The following ISL1 variants were observed in gnomAD, a reference collection of about 807,000 sequenced individuals.
ISL1 encodes the protein insulin gene enhancer protein ISL-1.
In ISL1, 4 loss-of-function variants were observed where a neutral mutation model predicts 35.3. The ratio of observed to expected loss-of-function variants is 0.11; its 90% CI spans 0.06 to 0.26. The LOEUF (loss-of-function observed/expected upper bound fraction) is 0.26, where lower values mean the gene tolerates loss of function less well. Ranked by LOEUF, ISL1 falls within the 10% of genes least tolerant of loss-of-function variation. The probability of loss-of-function intolerance (pLI) is 1.00; values close to 1 mark genes in which losing one functional copy is unlikely to be tolerated. For missense variants in ISL1, 340 were observed against 472.8 expected, an observed-to-expected ratio of 0.72 and a Z score of 2.60; for synonymous variants, 186 against 172.3, an observed-to-expected ratio of 1.08 and a Z score of -0.62.
rs1358580661 is a variant in ISL1 at position 51,389,979 on chromosome 5, G to T, written c.765+47G>T. The T allele has an allele frequency of 5.6e-6, 9 of 1,597,422 alleles. No individual in the cohort carries two copies. In the East Asian group the frequency reaches 9.0e-5, roughly 16 times the overall value. Reference sequence around the variant, plus strand: ...CAGGGAATGCGAGGGGGAAGGAGACGCAGCGTGCGAGGTGCGTTCCTGGTA... The same window carrying T: ...CAGGGAATGCGAGGGGGAAGGAGACTCAGCGTGCGAGGTGCGTTCCTGGTA... On this transcript the variant is annotated intron_variant, in intron 4 of 5. Transcript: ENST00000230658. The surrounding 1 kb of genome is among the most constrained non-coding windows in gnomAD (Gnocchi z 5.0).
chr5:51,387,885 T>C lies in ISL1; in HGVS notation c.478+136T>C, dbSNP rs1201806091. On this transcript the variant is annotated intron_variant, in intron 3 of 5. Coordinates refer to ENST00000230658, the MANE Select transcript of ISL1 (RefSeq NM_002202.3). The surrounding 1 kb of genome is among the most constrained non-coding windows in gnomAD (Gnocchi z 4.3). ...TTAAATGAAGTGTTCTGTATGCAAT[T>C]TGCGCTGTGCTCTGCTCCTTTGCAG... 2.5e-6 allele frequency: 3 copies of C among 1,187,762 alleles called. No individual in the cohort carries two copies. The highest frequency in any genetic ancestry group is 3.6e-6 in the Non-Finnish European group (3 of 837,304). 73.6% of individuals were successfully genotyped at this position (1,187,762 alleles called of 1,614,324 possible). A position where few individuals can be genotyped will look rare whatever the true frequency, so the allele number is the denominator to read the frequency against.
chr5:51,389,537 G>A lies in ISL1; in HGVS notation c.479-109G>A, dbSNP rs1747431306. On this transcript the variant is annotated intron_variant, in intron 3 of 5. Transcript: ENST00000230658. The surrounding 1 kb of genome is among the most constrained non-coding windows in gnomAD (Gnocchi z 5.0). ...CTGAGTATCTCGGGCGGGCGAGCAA[G>A]TAAGCGGGCGGGCGGGCGGGCAAGC... The A allele has an allele frequency of 4.8e-6, 5 of 1,034,464 alleles. No homozygotes were observed. Among genetic ancestry groups the A allele is most frequent in the Admixed American group, 8.5e-5 (2 of 23,598 alleles). 64.1% of individuals were successfully genotyped at this position (1,034,464 alleles called of 1,614,324 possible). A position where few individuals can be genotyped will look rare whatever the true frequency, so the allele number is the denominator to read the frequency against.
intron 4 of ISL1, 120 bp downstream of exon 4, chr5:51,390,052 C>A (rs1747452870): frequency 8.2e-6 from 10 of 1,212,760 alleles, no homozygotes; most frequent in Non-Finnish European, 1.2e-5. Flanking sequence ...GGAGTTTGGC[C>A]GGGGCTGCCC....
At chr5:51,388,396 A>G (rs1239317599) in intron 3 of ISL1, among the ~76,000 whole-genome samples, 2 of 152,218 alleles carry the variant, frequency 1.3e-5, no homozygotes, top group East Asian at 3.8e-4. Flanking sequence ...GCTTCTTTAA[A>G]TCATTCATTC....
rs369937196 is a variant in ISL1 at position 51,387,463 on chromosome 5, G to A, written c.219-27G>A. ...TGTACTTCTCTCCCCGCTCTGGGCC[G>A]CCTCCGCTCCCCCCTCCCCCGCACA... On this transcript the variant is annotated intron_variant, in intron 2 of 5. Transcript: ENST00000230658. The surrounding 1 kb of genome is among the most constrained non-coding windows in gnomAD (Gnocchi z 4.3). The A allele has an allele frequency of 3.1e-5, 50 of 1,612,814 alleles. No individual in the cohort carries two copies. Among genetic ancestry groups the A allele is most frequent in the Non-Finnish European group, 3.7e-5 (44 of 1,179,518 alleles).
In ISL1 at chr5:51,393,670, A is replaced by G. The variant is rs567679026; in HGVS notation, c.*60A>G. The G allele has an allele frequency of 8.6e-6, 9 of 1,045,986 alleles. No individual in the cohort carries two copies. In the South Asian group the frequency reaches 1.1e-4, roughly 13 times the overall value. 64.8% of individuals were successfully genotyped at this position (1,045,986 alleles called of 1,614,324 possible). On this transcript the variant is annotated 3_prime_UTR_variant, in exon 6 of 6. Coordinates refer to ENST00000230658, the MANE Select transcript of ISL1 (RefSeq NM_002202.3). ...AGAAAGTGGGAAATTATAATGTCGA[A>G]CTCTGAAACAAAAGTATTTAACGAC...
At position 51,387,129 on chromosome 5, in the gene ISL1, G is replaced by A. The variant is rs1484786722; in HGVS notation, c.219-361G>A. Among the ~76,000 whole-genome samples, 2 of 152,144 alleles carry A rather than the reference G, an allele frequency of 1.3e-5. No individual in the cohort carries two copies. Among genetic ancestry groups the A allele is most frequent in the Non-Finnish European group, 1.5e-5 (1 of 68,034 alleles). On this transcript the variant is annotated intron_variant, in intron 2 of 5. Coordinates refer to ENST00000230658, the MANE Select transcript of ISL1 (RefSeq NM_002202.3). The surrounding 1 kb of genome is among the most constrained non-coding windows in gnomAD (Gnocchi z 4.3). Reference sequence around the variant, plus strand: ...GATCTGCAAGATCAACACTGGGATTGATTGCTAGAGCAGCAGCCCGAGTTT... The same window carrying A: ...GATCTGCAAGATCAACACTGGGATTAATTGCTAGAGCAGCAGCCCGAGTTT...
chr5:51,389,903 C>G lies in ISL1; in HGVS notation c.736C>G (p.Leu246Val), dbSNP rs762465722. ...DKKRSIMMKQ[L>V]QQQQPNDKTN... is the part of the protein sequence containing the mutation. ...GAAGCGAAGCATCATGATGAAGCAA[C>G]TCCAGCAGCAGCAGCCCAATGACAA... The change falls in exon 4 of 6, where the codon CTC becomes GTC. Residue 246 changes from leucine to valine, a missense_variant. Leu to Val is a conservative substitution (Grantham distance 32). This residue lies in a region of ISL1 where 25 missense variants were observed against 43.2 expected (regional missense o/e 0.58). Coordinates refer to ENST00000230658, the MANE Select transcript of ISL1 (RefSeq NM_002202.3). This position sits in a 1 kb window ranked among gnomAD's most constrained non-coding sequence, Gnocchi z 5.0. 1 of 1,613,970 alleles carries G rather than the reference C, an allele frequency of 6.2e-7. No individual in the cohort carries two copies. Among genetic ancestry groups the G allele is most frequent in the Non-Finnish European group, 8.5e-7 (1 of 1,179,940 alleles).
At chr5:51,391,081 A>G (rs186328716) in intron 4 of ISL1, among the ~76,000 whole-genome samples, 193 bp from the exon 5 acceptor site, 317 of 152,316 alleles carry the variant, frequency 2.1e-3, no homozygotes, top group African/African-American at 7.5e-3. Context: ...CAGCCCACAG[A>G]GGCAGAAAAA....
Position 51,389,575 on chromosome 5 carries a change from G to A in ISL1, c.479-71G>A. ...CGGGCGGGCAAGCGAGCGAGCGAGC[G>A]AGCGCGCGACCGCGGGCGGGCCGGC... On this transcript the variant is annotated intron_variant, in intron 3 of 5. Coordinates refer to ENST00000230658, the MANE Select transcript of ISL1 (RefSeq NM_002202.3). This position sits in a 1 kb window ranked among gnomAD's most constrained non-coding sequence, Gnocchi z 5.0. 1 of 1,342,954 alleles carries A rather than the reference G, an allele frequency of 7.4e-7. No individual in the cohort carries two copies. Among genetic ancestry groups the A allele is most frequent in the South Asian group, 1.8e-5 (1 of 55,750 alleles). 83.2% of individuals were successfully genotyped at this position (1,342,954 alleles called of 1,614,324 possible).
intron 4 of ISL1, among the ~76,000 whole-genome samples, 200 bp from the exon 5 acceptor site, chr5:51,391,073 GC>G (rs1747501888): frequency 6.9e-6 from 1 of 145,778 alleles, no homozygotes; most frequent in Non-Finnish European, 1.5e-5. Context: ...TAATAGTCCA[GC>G]CCACAGAGGC....
chr5:51,391,026 C>G (rs367629982), intron 4 of ISL1, among the ~76,000 whole-genome samples: 2 of 152,146 alleles, frequency 1.3e-5, no homozygotes, highest in African/African-American at 4.8e-5. Flanking sequence ...AGAAGAAAAT[C>G]AAAGTAGAAT....
At chr5:51,383,986 GA>G (rs1483188118) in intron 1 of ISL1, among the ~76,000 whole-genome samples, 1 of 152,164 alleles carries the variant, frequency 6.6e-6, no homozygotes, top group Non-Finnish European at 1.5e-5. Context: ...AGCTCTCCGA[GA>G]AGGTTATTAT....
intron 2 of ISL1, 97 bp downstream of exon 2, chr5:51,384,827 T>C (rs535686797): frequency 1.6e-6 from 2 of 1,217,474 alleles, no homozygotes; most frequent in Admixed American, 3.4e-5. Flanking sequence ...TTTTGTGAAG[T>C]TTGCCTCAGT....
intron 2 of ISL1, chr5:51,386,067 ATTGT>A (rs1462402591): frequency 3.3e-5 from 5 of 152,504 alleles, no homozygotes; most frequent in Admixed American, 6.5e-5. Context: ...GATTTTCTAA[ATTGT>A]TTGGTCACCG....
intron 2 of ISL1, chr5:51,386,622 C>T (rs1561206580): frequency 2.2e-6 from 1 of 456,088 alleles, no homozygotes; most frequent in Non-Finnish European, 4.4e-6. Context: ...AAAGATTGTC[C>T]CTTGGTAAGG....
At chr5:51,390,211 G>T (rs1293683543) in intron 4 of ISL1, among the ~76,000 whole-genome samples, 2 of 152,152 alleles carry the variant, frequency 1.3e-5, no homozygotes, top group Non-Finnish European at 2.9e-5. Context: ...CTTCCACCTC[G>T]CCTGTACCTG....
At position 51,387,684 on chromosome 5, in the gene ISL1, G is replaced by C; in HGVS notation, c.413G>C (p.Arg138Thr). 3 of 1,614,220 alleles carry C rather than the reference G, an allele frequency of 1.9e-6. No homozygotes were observed. The highest frequency in any genetic ancestry group is 2.5e-6 in the Non-Finnish European group (3 of 1,180,044). Residue 138 changes from arginine to threonine, a missense_variant, in exon 3 of 6, where the codon AGG (arginine) becomes ACG (threonine). By Grantham distance (71) the Arg-to-Thr change is moderately conservative. Transcript: ENST00000230658. This position sits in a 1 kb window ranked among gnomAD's most constrained non-coding sequence, Gnocchi z 4.3. The stretch of plus-strand genomic sequence containing the variant: ...CGAGCAGACCACGATGTGGTGGAGA[G>C]GGCCAGTCTAGGCGCTGGCGACCCG... ...FCRADHDVVE[R>T]ASLGAGDPLS...
Position 51,389,906 on chromosome 5 carries a change from C to G in ISL1, c.739C>G (p.Gln247Glu), listed in dbSNP as rs763782470. The change falls in exon 4 of 6, where the codon CAG becomes GAG. Residue 247 changes from glutamine to glutamate, a missense_variant. Around this residue, in one of 7 missense-constraint regions of ISL1, gnomAD observed 25 missense variants for 43.2 expected, o/e 0.58. Transcript: ENST00000230658. The surrounding 1 kb of genome is among the most constrained non-coding windows in gnomAD (Gnocchi z 5.0). ...GCGAAGCATCATGATGAAGCAACTC[C>G]AGCAGCAGCAGCCCAATGACAAAAC... ...KKRSIMMKQL[Q>E]QQQPNDKTNI... is the part of the protein sequence containing the mutation. 1 of 1,613,796 alleles carries G rather than the reference C, an allele frequency of 6.2e-7. No individual in the cohort carries two copies. The highest frequency in any genetic ancestry group is 1.1e-5 in the South Asian group (1 of 91,060).
Sources: allele counts gnomAD v4.1 joint callset (sites outside exome capture counted in the v4.1 genomes callset), GRCh38; gene constraint gnomAD v4.1.1; regional missense constraint gnomAD v4.1.1; non-coding constraint Gnocchi (gnomAD v3.1); transcripts MANE v1.5; gene names NCBI Gene and HGNC (gene_info 2026-07-23, HGNC 2026-07-21).